The following VTI1A variants were observed in gnomAD, a reference collection of about 807,000 sequenced individuals.
VTI1A encodes the protein vesicle transport through interaction with t-SNAREs homolog 1A.
VTI1A carries 22 observed loss-of-function variants against 34.9 expected under a neutral mutation model. That is an observed-to-expected ratio of 0.63 (90% CI 0.45 to 0.90). The LOEUF is 0.90. Among genes scored for constraint, VTI1A ranks in the 40% least tolerant of loss-of-function variants. The pLI is 0.00. For missense variants in VTI1A, 268 were observed against 275.6 expected (o/e 0.97, Z 0.20); for synonymous variants, 87 against 97.3 (o/e 0.89, Z 0.62).
intron 3 of VTI1A, among the ~76,000 whole-genome samples, chr10:112,474,647 G>T (rs1848219250): frequency 6.6e-6 from 1 of 151,372 alleles, no homozygotes; most frequent in Non-Finnish European, 1.5e-5. Context: ...TGTAGAGACA[G>T]GGTCTCCCTA....
intron 5 of VTI1A, among the ~76,000 whole-genome samples, chr10:112,594,622 C>G (rs1844545180): frequency 6.6e-6 from 1 of 151,982 alleles, no homozygotes; most frequent in Admixed American, 6.5e-5. Flanking sequence ...AGGACCTCTT[C>G]AAGGAGAACT....
intron 7 of VTI1A, among the ~76,000 whole-genome samples, chr10:112,711,061 T>C (rs1265455435): frequency 6.6e-6 from 1 of 152,242 alleles, no homozygotes; most frequent in African/African-American, 2.4e-5. Flanking sequence ...TCACAACCAG[T>C]TCTTCTCTCT....
chr10:112,590,478 A>G (rs1250499852), intron 5 of VTI1A, among the ~76,000 whole-genome samples: 1 of 152,232 alleles, frequency 6.6e-6, no homozygotes, highest in East Asian at 1.9e-4. Context: ...GGATCCCTTG[A>G]GCCCAGGAGT....
At chr10:112,612,561 A>G (rs1032897266) in intron 5 of VTI1A, among the ~76,000 whole-genome samples, 10 of 152,184 alleles carry the variant, frequency 6.6e-5, no homozygotes, top group African/African-American at 2.4e-4. Context: ...AGCTGGAACT[A>G]CAGGTACATG....
intron 5 of VTI1A, among the ~76,000 whole-genome samples, chr10:112,618,510 T>TAGAGAGAGAGAGAG (rs1370121195): frequency 9.3e-4 from 30 of 32,340 alleles, no homozygotes; most frequent in South Asian, 1.9e-3. Context: ...TATATATATA[T>TAGAGAGAGAGAGAG]ATATATATAT....
In VTI1A at chr10:112,464,644, T is replaced by G. The variant is rs375510543; in HGVS notation, c.251T>G (p.Leu84Arg). The change falls in exon 3 of 8, where the codon CTC (leucine) becomes CGC (arginine). Residue 84 changes from leucine (L) to arginine (R), a missense_variant. Transcript: ENST00000393077. Reference sequence around the variant, plus strand: ...AGCTACAAACAAGAAATGGGAAAACTCGAAACAGATTTTGTGAGTCAAATT... The same window carrying G: ...AGCTACAAACAAGAAATGGGAAAACGCGAAACAGATTTTGTGAGTCAAATT... ...MRSYKQEMGK[L>R]ETDFKRSRIA... 1.9e-6 allele frequency: 3 copies of G among 1,610,908 alleles called. No homozygotes were observed. The African/African-American group carries it at 4.0e-5, about 22-fold the overall frequency.
chr10:112,850,232 AC>A, the VTI1A span, among the ~76,000 whole-genome samples: 7 of 152,004 alleles, frequency 4.6e-5, no homozygotes, highest in Non-Finnish European at 1.0e-4. Flanking sequence ...CTTTGGAGAC[AC>A]CCCAGGTCAG....
chr10:112,515,154 G>A lies in VTI1A; in HGVS notation c.265-11933G>A, dbSNP rs1201717982. Among the ~76,000 whole-genome samples, 6 of 152,090 alleles carry A rather than the reference G, an allele frequency of 3.9e-5. 1 individual carries two copies. In the East Asian group the frequency reaches 1.2e-3, roughly 29 times the overall value. On this transcript the variant is annotated intron_variant, in intron 3 of 7. Coordinates refer to ENST00000393077, the MANE Select transcript of VTI1A (RefSeq NM_145206.4). Reference sequence around the variant, plus strand: ...TGTTTCAGCTTGATGCAGAGTCATAGGGCCAAATTTACATATTTGTTTGTT... The same window carrying A: ...TGTTTCAGCTTGATGCAGAGTCATAAGGCCAAATTTACATATTTGTTTGTT...
rs1008234140 is a variant in VTI1A, at chr10:112,681,508, C to G, written c.560+12510C>G. ...ACATGTTTAAATGATTGGGAAAAATCAAAAGAAGAATATTTTTGACATGTG... is the reference window on the plus strand; with the variant it reads ...ACATGTTTAAATGATTGGGAAAAATGAAAAGAAGAATATTTTTGACATGTG... On this transcript the variant is annotated intron_variant, in intron 7 of 7. Coordinates refer to ENST00000393077, the MANE Select transcript of VTI1A (RefSeq NM_145206.4). Among the ~76,000 whole-genome samples the G allele has an allele frequency of 2.6e-5, 4 of 152,238 alleles. No individual in the cohort carries two copies. The East Asian group carries it at 7.7e-4, about 29-fold the overall frequency.
chr10:112,500,607 G>A (rs946072243), intron 3 of VTI1A, among the ~76,000 whole-genome samples: 1 of 152,038 alleles, frequency 6.6e-6, no homozygotes, highest in Non-Finnish European at 1.5e-5. Context: ...AACATATTTT[G>A]TCTGGGTCCC....
Position 112,470,841 on chromosome 10 carries a change from G to A in VTI1A, c.264+6184G>A, listed in dbSNP as rs561758160. On this transcript the variant is annotated intron_variant, in intron 3 of 7. Coordinates refer to ENST00000393077, the MANE Select transcript of VTI1A (RefSeq NM_145206.4). ...GCCGAAGTTGCAGTGAGCTGAGATC[G>A]CACCACTAAACTCCAGCCTGGGCAA... 3.9e-5 allele frequency among the ~76,000 whole-genome samples: 6 copies of A among 152,198 alleles called. No individual in the cohort carries two copies. In the South Asian group the frequency reaches 1.0e-3, roughly 26 times the overall value.
In VTI1A at chr10:112,614,106, G is replaced by C. The variant is rs140720451; in HGVS notation, c.428-54112G>C. 2.5e-3 allele frequency among the ~76,000 whole-genome samples: 377 copies of C among 152,124 alleles called. 2 individuals carry two copies. The highest frequency in any genetic ancestry group is 8.6e-3 in the African/African-American group (356 of 41,462). The stretch of plus-strand genomic sequence containing the variant: ...GCACATAGGTTCCAGTAAGTTGATT[G>C]TACTCATGGAAATGTGCTCAGTTAA... On this transcript the variant is annotated intron_variant, in intron 5 of 7. Transcript: ENST00000393077.
At chr10:112,619,121 A>G (rs898276835) in intron 5 of VTI1A, among the ~76,000 whole-genome samples, 2 of 150,590 alleles carry the variant, frequency 1.3e-5, no homozygotes, top group African/African-American at 4.9e-5. Flanking sequence ...GAAAATTGTC[A>G]TATTGGTAAT....
intron 5 of VTI1A, among the ~76,000 whole-genome samples, chr10:112,631,113 G>C (rs2134620067): frequency 6.6e-6 from 1 of 151,784 alleles, no homozygotes; most frequent in East Asian, 1.9e-4. Context: ...TGGGCAACAA[G>C]AGCGAAACTC....
chr10:112,492,858 A>AT (rs886219611), intron 3 of VTI1A, among the ~76,000 whole-genome samples: 14 of 151,930 alleles, frequency 9.2e-5, no homozygotes, highest in Admixed American at 2.0e-4. Flanking sequence ...CAATTCAGTG[A>AT]TTTTTTTAGG....
At chr10:112,631,932 A>G (rs1303285291) in intron 5 of VTI1A, among the ~76,000 whole-genome samples, 1 of 152,224 alleles carries the variant, frequency 6.6e-6, no homozygotes, top group Non-Finnish European at 1.5e-5. Flanking sequence ...TATAGAACAT[A>G]ATCCAGGATT....
chr10:112,490,137 C>T (rs1003957728), intron 3 of VTI1A, among the ~76,000 whole-genome samples: 23 of 152,052 alleles, frequency 1.5e-4, no homozygotes, highest in African/African-American at 4.6e-4. Context: ...GCCACTTGTT[C>T]CTGGAAATTA....
intron 3 of VTI1A, among the ~76,000 whole-genome samples, chr10:112,524,058 C>A (rs1303934010): frequency 6.6e-6 from 1 of 151,758 alleles, no homozygotes; most frequent in Non-Finnish European, 1.5e-5. Context: ...TAAAAGGTAA[C>A]ATAACTTATT....
At chr10:112,572,890 A>T (rs1852197751) in intron 5 of VTI1A, among the ~76,000 whole-genome samples, 1 of 152,042 alleles carries the variant, frequency 6.6e-6, no homozygotes, top group Non-Finnish European at 1.5e-5. Context: ...GGAAACCATG[A>T]ACTGTATTTT....
Sources: gnomAD v4.1 joint callset for allele counts (sites outside exome capture counted in the v4.1 genomes callset) on GRCh38, gnomAD v4.1.1 for gene constraint, MANE v1.5 for transcripts, NCBI Gene and HGNC (gene_info 2026-07-23, HGNC 2026-07-21) for gene names.